Variants in NRG3 observed in about 807,000 individuals in gnomAD.
NRG3 encodes neuregulin 3.
NRG3 carries 31 observed loss-of-function variants against 66.9 expected under a neutral mutation model. The ratio of observed to expected loss-of-function variants is 0.46; its 90% CI spans 0.35 to 0.63. The LOEUF (loss-of-function observed/expected upper bound fraction) is 0.63, where lower values mean the gene tolerates loss of function less well. Ranked by LOEUF, NRG3 falls within the 20% of genes least tolerant of loss-of-function variation. The pLI, the probability that NRG3 is intolerant of heterozygous loss-of-function variation, is 0.00. For missense variants in NRG3, 910 were observed against 878.9 expected, an observed-to-expected ratio of 1.04 and a Z score of -0.45; for synonymous variants, 393 against 359.4, an observed-to-expected ratio of 1.09 and a Z score of -1.06.
At chr10:82,508,102 C>G (rs1295133964) in intron 2 of NRG3, among the ~76,000 whole-genome samples, 1 of 152,174 alleles carries the variant, frequency 6.6e-6, no homozygotes, top group Non-Finnish European at 1.5e-5. Context: ...ATTTAGTAGT[C>G]TGACTGCTTT....
Position 82,059,895 on chromosome 10 carries a change from T to C in NRG3, c.823+183732T>C, listed in dbSNP as rs535093895. Among the ~76,000 whole-genome samples, 9 of 152,272 alleles carry C rather than the reference T, an allele frequency of 5.9e-5. No homozygotes were observed. The East Asian group carries it at 1.5e-3, about 26-fold the overall frequency. On this transcript the variant is annotated intron_variant, in intron 1 of 8. Coordinates refer to ENST00000372141, the MANE Select transcript of NRG3 (RefSeq NM_001010848.4). ...GTTCCCTTGATGATCAGCCATAACA[T>C]TGTATTTGAATATGTTGTAACTTAG...
intron 1 of NRG3, among the ~76,000 whole-genome samples, chr10:82,355,008 A>C (rs1038464917): frequency 6.6e-6 from 1 of 152,226 alleles, no homozygotes; most frequent in Non-Finnish European, 1.5e-5. Context: ...CTCTATAACA[A>C]ATTATTTACC....
chr10:82,240,686 T>C (rs1589437013), intron 1 of NRG3, among the ~76,000 whole-genome samples: 2 of 152,298 alleles, frequency 1.3e-5, no homozygotes, highest in South Asian at 2.1e-4. Context: ...ATTTACTTTG[T>C]CTGAAAGTTC....
At position 81,977,291 on chromosome 10, in the gene NRG3, T is replaced by C. The variant is rs2060160353; in HGVS notation, c.823+101128T>C. On this transcript the variant is annotated intron_variant, in intron 1 of 8. Coordinates refer to ENST00000372141, the MANE Select transcript of NRG3 (RefSeq NM_001010848.4). ...TGTCTGTCTACTGCAGTAAGCCGTG[T>C]GTGCTCCTGAAAGCTGGGTTTTGAT... Among the ~76,000 whole-genome samples, 4 of 152,196 alleles carry C rather than the reference T, an allele frequency of 2.6e-5. No homozygotes were observed. In the South Asian group the frequency reaches 8.3e-4, roughly 32 times the overall value.
At chr10:82,725,088 C>T (rs1457199532) in intron 2 of NRG3, among the ~76,000 whole-genome samples, 2 of 152,174 alleles carry the variant, frequency 1.3e-5, no homozygotes, top group Non-Finnish European at 2.9e-5. Flanking sequence ...CCCTCTGTTA[C>T]ACGTCTGTAT....
At chr10:82,714,765 T>C (rs1003192599) in intron 2 of NRG3, among the ~76,000 whole-genome samples, 2 of 152,238 alleles carry the variant, frequency 1.3e-5, no homozygotes, top group Non-Finnish European at 2.9e-5. Flanking sequence ...TCTCATTTAA[T>C]GACTAACTTT....
intron 2 of NRG3, among the ~76,000 whole-genome samples, chr10:82,571,290 G>A (rs1456063567): frequency 4.0e-5 from 6 of 151,330 alleles, no homozygotes; most frequent in African/African-American, 1.5e-4. Flanking sequence ...AACAAAAAAG[G>A]CAGTAGAAAT....
At chr10:82,800,832 C>G (rs953716868) in intron 3 of NRG3, among the ~76,000 whole-genome samples, 6 of 152,086 alleles carry the variant, frequency 3.9e-5, no homozygotes, top group African/African-American at 1.4e-4. Flanking sequence ...GTGACCTGAG[C>G]AGAATCCAAA....
chr10:82,648,118 T>G (rs2051104214), intron 2 of NRG3, among the ~76,000 whole-genome samples: 1 of 151,836 alleles, frequency 6.6e-6, no homozygotes, highest in African/African-American at 2.4e-5. Context: ...GGTTTTCTTC[T>G]AGGGTTTTTA....
intron 1 of NRG3, among the ~76,000 whole-genome samples, chr10:82,220,450 A>G (rs2075887112): frequency 6.6e-6 from 1 of 152,094 alleles, no homozygotes; most frequent in Non-Finnish European, 1.5e-5. Context: ...TCACTTTGTT[A>G]TGTATGGGAT....
intron 4 of NRG3, among the ~76,000 whole-genome samples, chr10:82,949,034 T>C (rs569561220): frequency 2.0e-5 from 3 of 152,304 alleles, no homozygotes; most frequent in African/African-American, 7.2e-5. Flanking sequence ...AGATTTTTTA[T>C]AGCTACTCTT....
intron 1 of NRG3, among the ~76,000 whole-genome samples, chr10:82,238,585 C>T (rs1281470926): frequency 6.6e-6 from 1 of 151,906 alleles, no homozygotes; most frequent in Non-Finnish European, 1.5e-5. Context: ...TCTTTCTCTC[C>T]CCCTACCCTT....
chr10:82,656,252 A>G (rs1238796755), intron 2 of NRG3, among the ~76,000 whole-genome samples: 3 of 150,530 alleles, frequency 2.0e-5, no homozygotes, highest in African/African-American at 4.9e-5. Context: ...AATCCCTATC[A>G]CTTATATTAC....
At chr10:81,932,521 G>A (rs961854383) in intron 1 of NRG3, among the ~76,000 whole-genome samples, 1 of 152,090 alleles carries the variant, frequency 6.6e-6, no homozygotes, top group Non-Finnish European at 1.5e-5. Context: ...ATTTACTTTG[G>A]AATCTAAAGT....
intron 1 of NRG3, among the ~76,000 whole-genome samples, chr10:81,890,275 A>C (rs1337244911): frequency 1.3e-5 from 2 of 152,286 alleles, no homozygotes; most frequent in East Asian, 3.9e-4. Flanking sequence ...TAGAAGCAAT[A>C]GTGGTTTGTT....
chr10:82,223,883 G>A (rs1247030991), intron 1 of NRG3, among the ~76,000 whole-genome samples: 1 of 152,158 alleles, frequency 6.6e-6, no homozygotes, highest in Admixed American at 6.6e-5. Context: ...TAGGGCTATA[G>A]GCACAGCTAT....
intron 2 of NRG3, among the ~76,000 whole-genome samples, chr10:82,393,295 T>C (rs1055934932): frequency 1.3e-5 from 2 of 152,132 alleles, no homozygotes; most frequent in Non-Finnish European, 2.9e-5. Context: ...ATTAGGATAC[T>C]GTGTGGCTCT....
intron 6 of NRG3, 21 bp from the exon 7 acceptor site, chr10:82,973,767 T>C (rs754474107): frequency 2.5e-6 from 4 of 1,613,790 alleles, no homozygotes; most frequent in Non-Finnish European, 3.4e-6. Context: ...GTCTCAACTC[T>C]GTACGTGTGA....
intron 2 of NRG3, among the ~76,000 whole-genome samples, chr10:82,532,710 T>C: frequency 6.6e-6 from 1 of 151,242 alleles, no homozygotes; most frequent in East Asian, 1.9e-4. Flanking sequence ...CTCTTGACTA[T>C]TGTGAATAGT....
Sources: gnomAD v4.1 joint callset for allele counts (sites outside exome capture counted in the v4.1 genomes callset) on GRCh38, gnomAD v4.1.1 for gene constraint, MANE v1.5 for transcripts, NCBI Gene and HGNC (gene_info 2026-07-23, HGNC 2026-07-21) for gene names.